Variants in SUMF1 observed in about 807,000 individuals in gnomAD.
The protein encoded by SUMF1 is formylglycine-generating enzyme.
In SUMF1, 48 loss-of-function variants were observed where a neutral mutation model predicts 47.6. The ratio of observed to expected loss-of-function variants is 1.01; its 90% CI spans 0.80 to 1.28. SUMF1 has a LOEUF of 1.28. Among genes scored for constraint, SUMF1 ranks in the 50% most tolerant of loss-of-function variants. SUMF1 has a pLI of 0.00. For synonymous variants in SUMF1, 230 were observed against 192.1 expected (o/e 1.20, Z -1.63); for missense variants, 571 against 485.4 (o/e 1.18, Z -1.66).
At chr3:4,052,947 A>C (rs1025979529) in intron 9 of SUMF1, among the ~76,000 whole-genome samples, 3 of 152,194 alleles carry the variant, frequency 2.0e-5, no homozygotes, top group Non-Finnish European at 4.4e-5. Context: ...CTAGAGCGGC[A>C]CTTTTAATGT....
At chr3:4,233,660 G>A (rs1696348891) in intron 8 of SUMF1, among the ~76,000 whole-genome samples, 1 of 152,120 alleles carries the variant, frequency 6.6e-6, no homozygotes, top group African/African-American at 2.4e-5. Flanking sequence ...CAAAATGTCT[G>A]AGTCATGAAA....
chr3:4,042,946 T>C (rs1044110434), intron 9 of SUMF1, among the ~76,000 whole-genome samples: 12 of 152,166 alleles, frequency 7.9e-5, no homozygotes, highest in African/African-American at 2.9e-4. Context: ...TTCTCTCTGC[T>C]GTTTTCCCAG....
At chr3:4,410,830 C>T in intron 7 of SUMF1, 35 bp downstream of exon 7, 1 of 1,588,566 alleles carries the variant, frequency 6.3e-7, no homozygotes, top group Non-Finnish European at 8.6e-7. Context: ...CAGATGCCAC[C>T]ATTCCAAGAC....
intron 8 of SUMF1, among the ~76,000 whole-genome samples, chr3:4,103,742 T>C (rs960578681): frequency 6.6e-6 from 1 of 152,098 alleles, no homozygotes; most frequent in African/African-American, 2.4e-5. Context: ...ATCAGATCCT[T>C]AGACAAACCA....
At chr3:4,313,437 G>A in intron 8 of SUMF1, 1 of 1,613,982 alleles carries the variant, frequency 6.2e-7, no homozygotes, top group Non-Finnish European at 8.5e-7. Context: ...ACCTTTTGAT[G>A]ATTCCTGTCC....
intron 8 of SUMF1, among the ~76,000 whole-genome samples, chr3:4,335,150 A>C (rs1271841513): frequency 1.3e-5 from 2 of 152,222 alleles, no homozygotes; most frequent in East Asian, 3.9e-4. Flanking sequence ...AAACAAACAA[A>C]CAAAAACAGA....
intron 8 of SUMF1, among the ~76,000 whole-genome samples, chr3:4,198,318 A>G (rs1019272753): frequency 1.3e-5 from 2 of 152,112 alleles, no homozygotes; most frequent in Non-Finnish European, 2.9e-5. Context: ...AGTGTGTGAC[A>G]CCAGAAGGAA....
In SUMF1 at chr3:4,050,567, C is replaced by A. The variant is rs138997789; in HGVS notation, c.1191+18002G>T. Among the ~76,000 whole-genome samples, 59 of 151,146 alleles carry A rather than the reference C, an allele frequency of 3.9e-4. No homozygotes were observed. The East Asian group carries it at 0.011, about 27-fold the overall frequency. ...GACCAGCCTGGGCAACATAGCAAGA[C>A]CCCGTCTCCACTAAAAATACAAAAA... On this transcript the variant is annotated intron_variant and NMD_transcript_variant, in intron 9 of 12. Coordinates refer to the SUMF1 transcript ENST00000448413.
chr3:4,409,276 T>A (rs761726594), intron 7 of SUMF1, among the ~76,000 whole-genome samples: 1 of 152,176 alleles, frequency 6.6e-6, no homozygotes, highest in Non-Finnish European at 1.5e-5. Flanking sequence ...CTCAAAACTG[T>A]TAAATTATAT....
At chr3:4,139,953 C>A (rs557502431) in intron 8 of SUMF1, among the ~76,000 whole-genome samples, 11 of 152,094 alleles carry the variant, frequency 7.2e-5, no homozygotes, top group African/African-American at 2.4e-4. Flanking sequence ...CTCTTTTAGC[C>A]ACTCAGACAT....
chr3:4,087,062 A>G (rs1187477301), intron 8 of SUMF1, among the ~76,000 whole-genome samples: 1 of 152,186 alleles, frequency 6.6e-6, no homozygotes, highest in African/African-American at 2.4e-5. Context: ...TCTAATAGAA[A>G]AGATCTTTTC....
intron 9 of SUMF1, among the ~76,000 whole-genome samples, chr3:4,067,142 A>G (rs1695397588): frequency 6.6e-6 from 1 of 152,172 alleles, no homozygotes; most frequent in Non-Finnish European, 1.5e-5. Context: ...CCAATTCACT[A>G]GGACCATGAC....
At chr3:4,142,927 C>T (rs1256931344) in intron 8 of SUMF1, among the ~76,000 whole-genome samples, 3 of 152,022 alleles carry the variant, frequency 2.0e-5, no homozygotes, top group Admixed American at 1.3e-4. Flanking sequence ...GTAGTATTTT[C>T]CAATATCCAG....
At chr3:4,344,120 G>T (rs1010347647) in intron 8 of SUMF1, among the ~76,000 whole-genome samples, 1 of 152,220 alleles carries the variant, frequency 6.6e-6, no homozygotes, top group African/African-American at 2.4e-5. Context: ...TCCCATAGAA[G>T]AAAACTATAA....
At chr3:4,350,916 T>C (rs534053268) in intron 8 of SUMF1, among the ~76,000 whole-genome samples, 8 of 151,010 alleles carry the variant, frequency 5.3e-5, no homozygotes, top group African/African-American at 1.7e-4. Flanking sequence ...GTTTGCCAAC[T>C]CTAGAGATCA....
At chr3:4,317,051 G>A (rs1698690464) in intron 8 of SUMF1, 1 of 1,549,262 alleles carries the variant, frequency 6.5e-7, no homozygotes, top group African/African-American at 1.4e-5. Flanking sequence ...CTGACCTCTT[G>A]CCAACCAACT....
intron 8 of SUMF1, among the ~76,000 whole-genome samples, chr3:4,228,700 A>T (rs912041467): frequency 6.6e-6 from 1 of 152,096 alleles, no homozygotes; most frequent in African/African-American, 2.4e-5. Context: ...CAAGGTCCCA[A>T]ATCCTAAAAA....
At chr3:4,118,036 C>T (rs1693459886) in intron 8 of SUMF1, among the ~76,000 whole-genome samples, 1 of 151,840 alleles carries the variant, frequency 6.6e-6, no homozygotes, top group African/African-American at 2.4e-5. Context: ...AAGCTGTGTC[C>T]ACCCTTAACA....
At chr3:4,061,889 C>T (rs182601012) in intron 9 of SUMF1, among the ~76,000 whole-genome samples, 1 of 152,084 alleles carries the variant, frequency 6.6e-6, no homozygotes, top group Non-Finnish European at 1.5e-5. Flanking sequence ...GTAAGGAGGC[C>T]GCTTTAGGCT....
Sources: allele counts gnomAD v4.1 joint callset (sites outside exome capture counted in the v4.1 genomes callset), GRCh38; gene constraint gnomAD v4.1.1; transcripts MANE v1.5; gene names NCBI Gene and HGNC (gene_info 2026-07-23, HGNC 2026-07-21).